The following CYP2J2 variants were observed in gnomAD, a reference collection of about 807,000 sequenced individuals.
The protein encoded by CYP2J2 is cytochrome P450 family 2 subfamily J member 2.
A neutral mutation model predicts 48.8 loss-of-function variants in CYP2J2; 41 were observed. The ratio of observed to expected loss-of-function variants is 0.84; its 90% CI spans 0.66 to 1.09. The LOEUF is 1.09. Among genes scored for constraint, CYP2J2 ranks in the 50% least tolerant of loss-of-function variants. CYP2J2 has a pLI of 0.00. For missense variants in CYP2J2, 644 were observed against 617.3 expected, an observed-to-expected ratio of 1.04 and a Z score of -0.46; for synonymous variants, 221 against 227.1, an observed-to-expected ratio of 0.97 and a Z score of 0.24.
At chr1:59,934,877 C>T in the CYP2J2 span, among the ~76,000 whole-genome samples, 1 of 150,348 alleles carries the variant, frequency 6.7e-6, no homozygotes, top group African/African-American at 2.4e-5. Context: ...AATGAAATCA[C>T]TGTGTTGAAG....
intron 8 of CYP2J2, among the ~76,000 whole-genome samples, chr1:59,895,649 TTTTA>T (rs762244240): frequency 5.3e-5 from 8 of 152,132 alleles, no homozygotes; most frequent in Non-Finnish European, 1.0e-4. Flanking sequence ...TTATTTTTAT[TTTTA>T]TTTATTATTA....
chr1:59,893,742 G>A lies in CYP2J2; in HGVS notation c.1418C>T (p.Pro473Leu), dbSNP rs1338491622. The change falls in exon 9 of 9, where the codon CCC (proline) becomes CTC (leucine). Residue 473 changes from proline (P) to leucine (L), a missense_variant. Physicochemically the swap from Pro to Leu is moderately conservative, Grantham distance 98 (BLOSUM62 -3). Transcript: ENST00000371204. ...CAGGCTCAGCTTCTCATTGTTTGGG[G>A]GCCTGAAGGTAAATTTTTGCATAAG... ...TSLMQKFTFR[P>L]PNNEKLSLKF... 6.2e-7 allele frequency: 1 copy of A among 1,613,104 alleles called. No homozygotes were observed. The highest frequency in any genetic ancestry group is 2.2e-5 in the East Asian group (1 of 44,890).
chr1:59,895,031 T>C (rs1475914225), intron 8 of CYP2J2, among the ~76,000 whole-genome samples: 6 of 152,246 alleles, frequency 3.9e-5, no homozygotes, highest in Non-Finnish European at 4.4e-5. Context: ...ATTGTCTACA[T>C]TACCCATGAA....
chr1:59,926,860 G>T (rs772914350), upstream of CYP2J2: 2 of 944,582 alleles, frequency 2.1e-6, no homozygotes, highest in Non-Finnish European at 3.2e-6. Flanking sequence ...CCGCCCCTTC[G>T]CAGCACCCTG....
chr1:59,935,027 T>TACAC, the CYP2J2 span, among the ~76,000 whole-genome samples: 6 of 100,140 alleles, frequency 6.0e-5, no homozygotes, highest in East Asian at 2.6e-4. Flanking sequence ...TATATATATA[T>TACAC]ATATATATAT....
the CYP2J2 span, among the ~76,000 whole-genome samples, chr1:59,935,047 T>TAC: frequency 1.1e-5 from 1 of 92,820 alleles, no homozygotes; most frequent in Non-Finnish European, 2.3e-5. Context: ...TATATATATA[T>TAC]ATATACACAA....
At chr1:59,895,239 T>C (rs1471278185) in intron 8 of CYP2J2, among the ~76,000 whole-genome samples, 1 of 152,222 alleles carries the variant, frequency 6.6e-6, no homozygotes, top group Non-Finnish European at 1.5e-5. Context: ...CATTTAGCTG[T>C]CATGTCGCCT....
chr1:59,948,197 C>A, the CYP2J2 span, among the ~76,000 whole-genome samples: 3 of 152,088 alleles, frequency 2.0e-5, no homozygotes, highest in African/African-American at 4.8e-5. Context: ...AATCTGGCAC[C>A]CTTATTTCCC....
chr1:59,957,427 C>T, the CYP2J2 span, among the ~76,000 whole-genome samples: 1 of 152,048 alleles, frequency 6.6e-6, no homozygotes, highest in Non-Finnish European at 1.5e-5. Flanking sequence ...CTTCTTTATT[C>T]CAGCAAAGAA....
Position 59,926,549 on chromosome 1 carries a change from C to T in CYP2J2, c.198G>A (p.Leu66=), listed in dbSNP as rs1355029524. The T allele has an allele frequency of 6.2e-7, 1 of 1,614,116 alleles. No individual in the cohort carries two copies. The highest frequency in any genetic ancestry group is 1.7e-5 in the Admixed American group (1 of 60,030). ...FFLVDFEQSH[L]EVQLFVKKYG... is the part of the protein sequence containing the mutation. ...CTCCCACTCCTACCAGCTGAACCTC[C>T]AGGTGCGACTGCTCGAAGTCCACAA... is the stretch of plus-strand genomic sequence containing the variant. The change falls in exon 1 of 9, where the codon CTG becomes CTA. Residue 66 remains leucine, a synonymous_variant. Coordinates refer to ENST00000371204, the MANE Select transcript of CYP2J2 (RefSeq NM_000775.4).
chr1:59,957,792 A>G, the CYP2J2 span, among the ~76,000 whole-genome samples: 2 of 152,150 alleles, frequency 1.3e-5, no homozygotes, highest in African/African-American at 4.8e-5. Flanking sequence ...TGAATAAAAA[A>G]GGCCCACACA....
chr1:59,943,641 GA>G, the CYP2J2 span, among the ~76,000 whole-genome samples: 2 of 151,912 alleles, frequency 1.3e-5, no homozygotes, highest in Non-Finnish European at 2.9e-5. Flanking sequence ...CTGAGTTCAA[GA>G]GCTTTCAAAA....
At chr1:59,955,239 G>GATATATATATATCCATATATATATCC in the CYP2J2 span, among the ~76,000 whole-genome samples, 214 of 107,802 alleles carry the variant, frequency 2.0e-3, 3 homozygotes, top group Non-Finnish European at 2.4e-3. Flanking sequence ...TACGAATAAG[G>GATATATATATATCCATATATATATCC]ATATATATAT....
At chr1:59,896,295 C>A (rs1644268236) in intron 8 of CYP2J2, among the ~76,000 whole-genome samples, 1 of 142,914 alleles carries the variant, frequency 7.0e-6, no homozygotes, top group Non-Finnish European at 1.5e-5. Flanking sequence ...TGTGTGTGTA[C>A]ATATATAAAA....
chr1:59,939,875 G>A, the CYP2J2 span, among the ~76,000 whole-genome samples: 1 of 152,180 alleles, frequency 6.6e-6, no homozygotes, highest in Non-Finnish European at 1.5e-5. Flanking sequence ...GACCCATGGA[G>A]AGTACTGCTG....
the CYP2J2 span, among the ~76,000 whole-genome samples, chr1:59,936,249 T>G: frequency 1.3e-5 from 2 of 152,264 alleles, no homozygotes; most frequent in Non-Finnish European, 2.9e-5. Context: ...TTTGAAATCA[T>G]TTGTTCAAGT....
upstream of CYP2J2, among the ~76,000 whole-genome samples, chr1:59,928,002 T>G (rs182405191): frequency 5.3e-5 from 8 of 152,330 alleles, no homozygotes; most frequent in East Asian, 1.5e-3. Context: ...ATTTCTAATA[T>G]TTATATATGA....
the CYP2J2 span, among the ~76,000 whole-genome samples, chr1:59,932,311 T>C: frequency 6.6e-6 from 1 of 152,170 alleles, no homozygotes; most frequent in African/African-American, 2.4e-5. Context: ...TAATACATGC[T>C]ATAAGCATTG....
chr1:59,901,867 G>C (rs1644322963), intron 7 of CYP2J2, among the ~76,000 whole-genome samples: 2 of 142,598 alleles, frequency 1.4e-5, no homozygotes, highest in Non-Finnish European at 3.2e-5. Flanking sequence ...CTCTGGAAGA[G>C]AGTGAGCTTC....
Sources: allele counts gnomAD v4.1 joint callset (sites outside exome capture counted in the v4.1 genomes callset), GRCh38; gene constraint gnomAD v4.1.1; transcripts MANE v1.5; gene names NCBI Gene and HGNC (gene_info 2026-07-23, HGNC 2026-07-21).